The following SIPA1L3 variants were observed in gnomAD, a reference collection of about 807,000 sequenced individuals.
SIPA1L3 encodes signal induced proliferation associated 1 like 3.
A neutral mutation model predicts 150.1 loss-of-function variants in SIPA1L3; 59 were observed. The ratio of observed to expected loss-of-function variants is 0.39; its 90% CI spans 0.32 to 0.49. The LOEUF (loss-of-function observed/expected upper bound fraction) is 0.49. Ranked by LOEUF, SIPA1L3 falls within the 20% of genes least tolerant of loss-of-function variation. The pLI, the probability that SIPA1L3 is intolerant of heterozygous loss-of-function variation, is 0.86. For synonymous variants in SIPA1L3, 1,070 were observed against 1,077.6 expected (o/e 0.99, Z 0.14); for missense variants, 2,211 against 2,489.5 (o/e 0.89, Z 2.38).
At chr19:38,095,516 C>CAAACAA (rs1332509184) in intron 4 of SIPA1L3, among the ~76,000 whole-genome samples, 1 of 152,190 alleles carries the variant, frequency 6.6e-6, no homozygotes, top group Non-Finnish European at 1.5e-5. Context: ...TTGCATGGTA[C>CAAACAA]TGTGTGCCTT....
At chr19:37,973,554 A>AAGGG (rs1966993910) in intron 1 of SIPA1L3, among the ~76,000 whole-genome samples, 8 of 31,710 alleles carry the variant, frequency 2.5e-4, no homozygotes, top group African/African-American at 4.3e-4. Flanking sequence ...AAAAAAAAAA[A>AAGGG]GCGGGAGGGG....
At chr19:38,079,150 G>C (rs1358398521) in intron 2 of SIPA1L3, among the ~76,000 whole-genome samples, 1 of 152,176 alleles carries the variant, frequency 6.6e-6, no homozygotes, top group Admixed American at 6.5e-5. Flanking sequence ...GGCTAACACG[G>C]TGAAACCCTG....
chr19:38,098,491 T>G (rs560978969), intron 4 of SIPA1L3, among the ~76,000 whole-genome samples: 1 of 149,568 alleles, frequency 6.7e-6, no homozygotes, highest in East Asian at 2.0e-4. Flanking sequence ...GCCTCCCAGG[T>G]TCAAGCAATT....
Position 38,142,686 on chromosome 19 carries a change from T to C in SIPA1L3, c.3509T>C (p.Val1170Ala). Residue 1170 changes from valine (V) to alanine (A), a missense_variant, in exon 12 of 22, where the codon GTG becomes GCG. By Grantham distance (64) the Val-to-Ala change is moderately conservative. Around this residue, in one of 5 missense-constraint regions of SIPA1L3, gnomAD observed 806 missense variants for 870.1 expected, o/e 0.93. Transcript: ENST00000222345. ...TCCACCCCCGGTTCGGCCACCTACG[T>C]GAGATACAAGCCATCCCCAGAAAGG... ...SFSTPGSATY[V>A]RYKPSPERYT... 1 of 1,612,536 alleles carries C rather than the reference T, an allele frequency of 6.2e-7. No homozygotes were observed. Among genetic ancestry groups the C allele is most frequent in the African/African-American group, 1.3e-5 (1 of 75,014 alleles).
intron 2 of SIPA1L3, among the ~76,000 whole-genome samples, chr19:38,054,898 A>G (rs957582652): frequency 2.0e-5 from 3 of 152,110 alleles, no homozygotes; most frequent in Admixed American, 1.3e-4. Flanking sequence ...ATAGCAGGTG[A>G]ACGGTGAAGA....
intron 18 of SIPA1L3, among the ~76,000 whole-genome samples, chr19:38,195,877 C>G (rs908933653): frequency 6.7e-6 from 1 of 148,278 alleles, no homozygotes; most frequent in African/African-American, 2.5e-5. Context: ...TGAGCTGTCA[C>G]TAGATGAGAA....
intron 2 of SIPA1L3, among the ~76,000 whole-genome samples, chr19:38,037,299 G>A (rs1223154870): frequency 1.3e-5 from 2 of 152,232 alleles, no homozygotes; most frequent in African/African-American, 4.8e-5. Flanking sequence ...ACTGACGTTT[G>A]GGAGGAGGCC....
At chr19:37,996,994 G>A (rs946316418) in intron 1 of SIPA1L3, among the ~76,000 whole-genome samples, 1 of 152,016 alleles carries the variant, frequency 6.6e-6, no homozygotes, top group African/African-American at 2.4e-5. Context: ...ACCGTGCCCG[G>A]CCAATCCTCA....
intron 18 of SIPA1L3, among the ~76,000 whole-genome samples, chr19:38,195,423 C>G (rs1234716495): frequency 6.6e-6 from 1 of 152,186 alleles, no homozygotes; most frequent in South Asian, 2.1e-4. Context: ...GCTCTGCCCT[C>G]GGTGCCAGGA....
chr19:38,076,174 T>G (rs1374161386), intron 2 of SIPA1L3, among the ~76,000 whole-genome samples: 1 of 151,846 alleles, frequency 6.6e-6, no homozygotes, highest in African/African-American at 2.4e-5. Context: ...AGTAAATACA[T>G]AAATAAATAA....
At position 37,966,387 on chromosome 19, in the gene SIPA1L3, C is replaced by T. The variant is rs531099761; in HGVS notation, c.-379+59029C>T. 9.8e-5 allele frequency among the ~76,000 whole-genome samples: 15 copies of T among 152,294 alleles called. 1 individual carries two copies. The South Asian group carries it at 2.5e-3, about 25-fold the overall frequency. On this transcript the variant is annotated intron_variant, in intron 1 of 21. Transcript: ENST00000222345. ...GCAAGGACAGGTTTGGACAGAGCTC[C>T]CTTTCCTCCATGTGTGGAGAGCTAC...
chr19:38,119,220 T>C, intron 8 of SIPA1L3, 86 bp from the exon 9 acceptor site: 1 of 1,293,530 alleles, frequency 7.7e-7, no homozygotes, highest in Non-Finnish European at 1.1e-6. Context: ...CAAAAAACCC[T>C]ATTCCTATTT....
chr19:38,187,268 A>T (rs1024195286), intron 16 of SIPA1L3, among the ~76,000 whole-genome samples: 4 of 152,010 alleles, frequency 2.6e-5, no homozygotes, highest in African/African-American at 4.8e-5. Context: ...CCTGGCCAAC[A>T]TGGTGAAACC....
chr19:37,918,004 CA>C (rs1002162387), intron 1 of SIPA1L3, among the ~76,000 whole-genome samples: 12 of 145,620 alleles, frequency 8.2e-5, no homozygotes, highest in African/African-American at 7.5e-5. Context: ...GACCCTGTCT[CA>C]AAAAAAAAAG....
At chr19:38,097,036 A>T (rs1970395211) in intron 4 of SIPA1L3, among the ~76,000 whole-genome samples, 1 of 152,194 alleles carries the variant, frequency 6.6e-6, no homozygotes, top group South Asian at 2.1e-4. Flanking sequence ...TCAGAGAAAG[A>T]AGCTAGATAA....
chr19:38,106,744 C>G, intron 7 of SIPA1L3, 104 bp downstream of exon 7: 1 of 754,938 alleles, frequency 1.3e-6, no homozygotes, highest in South Asian at 1.6e-5. Context: ...GGCCCTTGAC[C>G]TTGGAGGCCA....
chr19:37,922,180 G>A (rs2046462734), intron 1 of SIPA1L3, among the ~76,000 whole-genome samples: 1 of 152,110 alleles, frequency 6.6e-6, no homozygotes, highest in African/African-American at 2.4e-5. Context: ...GGCCCCACCG[G>A]GTTCAAGCAA....
intron 2 of SIPA1L3, among the ~76,000 whole-genome samples, chr19:38,069,831 A>AT (rs143984654): frequency 0.26 from 35,545 of 136,226 alleles, 5,865 homozygotes; most frequent in African/African-American, 0.48. Flanking sequence ...TACCTGGTTA[A>AT]TTTTTTTTTT....
chr19:38,069,747 C>T (rs1399668630), intron 2 of SIPA1L3, among the ~76,000 whole-genome samples: 1 of 151,968 alleles, frequency 6.6e-6, no homozygotes, highest in Non-Finnish European at 1.5e-5. Flanking sequence ...TTACTGCAAC[C>T]TCCACCTCCT....
Sources: allele counts gnomAD v4.1 joint callset (sites outside exome capture counted in the v4.1 genomes callset), GRCh38; gene constraint gnomAD v4.1.1; regional missense constraint gnomAD v4.1.1; transcripts MANE v1.5; gene names NCBI Gene and HGNC (gene_info 2026-07-23, HGNC 2026-07-21).